The following MEI4 variants were observed in gnomAD, a reference collection of about 807,000 sequenced individuals.
The protein encoded by MEI4 is meiotic double-stranded break formation protein 4.
In MEI4, 27 loss-of-function variants were observed where a neutral mutation model predicts 31.4. The observed-to-expected ratio is 0.86, with a 90% CI of 0.63 to 1.19. The LOEUF (loss-of-function observed/expected upper bound fraction) is 1.19, where lower values mean the gene tolerates loss of function less well. Ranked by LOEUF, MEI4 falls within the 50% of genes most tolerant of loss-of-function variation. MEI4 has a pLI of 0.00. For missense variants in MEI4, 329 were observed against 398.9 expected, an observed-to-expected ratio of 0.82 and a Z score of 1.49; for synonymous variants, 122 against 145.4, an observed-to-expected ratio of 0.84 and a Z score of 1.16.
chr6:77,894,088 G>A (rs975014355), intron 4 of MEI4, among the ~76,000 whole-genome samples: 1 of 152,100 alleles, frequency 6.6e-6, no homozygotes, highest in African/African-American at 2.4e-5. Flanking sequence ...ATAGTTAAAT[G>A]TGAAGTATTT....
At chr6:77,809,592 G>T (rs979760896) in intron 3 of MEI4, among the ~76,000 whole-genome samples, 3 of 152,158 alleles carry the variant, frequency 2.0e-5, no homozygotes, top group Non-Finnish European at 4.4e-5. Context: ...TATGCGTTTT[G>T]TAATGATAAT....
chr6:77,726,350 TCTTG>T (rs1766820664), intron 2 of MEI4, among the ~76,000 whole-genome samples: 1 of 151,690 alleles, frequency 6.6e-6, no homozygotes, highest in Non-Finnish European at 1.5e-5. Context: ...ATCTGATCTC[TCTTG>T]CTTTTCCCCA....
intron 2 of MEI4, among the ~76,000 whole-genome samples, chr6:77,699,484 GC>G (rs1766156119): frequency 6.6e-6 from 1 of 152,082 alleles, no homozygotes; most frequent in Non-Finnish European, 1.5e-5. Flanking sequence ...GAGCCACCGC[GC>G]CCGGCCCAAA....
chr6:77,917,387 A>G (rs1581979690), intron 4 of MEI4, among the ~76,000 whole-genome samples: 1 of 151,022 alleles, frequency 6.6e-6, no homozygotes, highest in African/African-American at 2.4e-5. Context: ...AGTCCCACCA[A>G]CAGTGTAAAA....
intron 4 of MEI4, among the ~76,000 whole-genome samples, chr6:77,902,334 C>T (rs1766202631): frequency 6.6e-6 from 1 of 151,996 alleles, no homozygotes; most frequent in African/African-American, 2.4e-5. Context: ...TCTTCCAGTC[C>T]ATGAACCACA....
intron 4 of MEI4, among the ~76,000 whole-genome samples, chr6:77,834,605 C>T (rs1770167841): frequency 6.6e-6 from 1 of 151,932 alleles, no homozygotes; most frequent in African/African-American, 2.4e-5. Context: ...TTTGCCAGTC[C>T]AGCTGAGGGT....
intron 2 of MEI4, among the ~76,000 whole-genome samples, chr6:77,726,347 C>T (rs574033398): frequency 6.6e-6 from 1 of 152,166 alleles, no homozygotes; most frequent in South Asian, 2.1e-4. Flanking sequence ...ACAATCTGAT[C>T]TCTCTTGCTT....
In MEI4 at chr6:77,761,338, G is replaced by C; in HGVS notation, c.441G>C (p.Leu147Phe). 6.5e-6 allele frequency: 8 copies of C among 1,232,494 alleles called. No individual in the cohort carries two copies. Among genetic ancestry groups the C allele is most frequent in the Non-Finnish European group, 8.1e-6 (8 of 988,022 alleles). 76.3% of individuals were successfully genotyped at this position (1,232,494 alleles called of 1,614,324 possible). A position where few individuals can be genotyped will look rare whatever the true frequency, so the allele number is the denominator to read the frequency against. The change falls in exon 3 of 5, where the codon TTG becomes TTC. Residue 147 changes from leucine (L) to phenylalanine (F), a missense_variant. By Grantham distance (22) the Leu-to-Phe change is conservative. Coordinates refer to ENST00000684080, the MANE Select transcript of MEI4 (RefSeq NM_001322247.2). Reference sequence around the variant, plus strand: ...CTTGTGCTATCCTGCAAAATCCTTTGTCTTCTCACATGCAATTCTTGCAAT... The same window carrying C: ...CTTGTGCTATCCTGCAAAATCCTTTCTCTTCTCACATGCAATTCTTGCAAT... Reference protein sequence around the residue: ...KRPCAILQNPLSSHMQFLQYL... With the variant: ...KRPCAILQNPFSSHMQFLQYL...
At chr6:77,780,816 T>G (rs1480049619) in intron 3 of MEI4, among the ~76,000 whole-genome samples, 1 of 152,150 alleles carries the variant, frequency 6.6e-6, no homozygotes, top group Non-Finnish European at 1.5e-5. Context: ...CTAATGTCTC[T>G]TCTGTTAAAA....
At chr6:77,662,660 G>A (rs1321897593) in intron 1 of MEI4, among the ~76,000 whole-genome samples, 1 of 152,196 alleles carries the variant, frequency 6.6e-6, no homozygotes, top group Non-Finnish European at 1.5e-5. Flanking sequence ...TGAGGACTAG[G>A]CTAAAACAGT....
At chr6:77,691,536 A>T (rs1297322096) in intron 2 of MEI4, among the ~76,000 whole-genome samples, 1 of 152,068 alleles carries the variant, frequency 6.6e-6, no homozygotes, top group Non-Finnish European at 1.5e-5. Flanking sequence ...AGTGGAGAAT[A>T]CATATTGCAT....
chr6:77,757,939 C>T (rs1767952907), intron 2 of MEI4, among the ~76,000 whole-genome samples: 1 of 152,012 alleles, frequency 6.6e-6, no homozygotes, highest in Admixed American at 6.5e-5. Context: ...GGGTGGATCA[C>T]AGGGTCAAGA....
chr6:77,757,887 G>T (rs1767951409), intron 2 of MEI4, among the ~76,000 whole-genome samples: 1 of 152,122 alleles, frequency 6.6e-6, no homozygotes, highest in South Asian at 2.1e-4. Flanking sequence ...GACAGGCGTG[G>T]TGGCTCATGC....
intron 4 of MEI4, among the ~76,000 whole-genome samples, chr6:77,884,777 C>G (rs1562025557): frequency 6.6e-6 from 1 of 152,030 alleles, no homozygotes; most frequent in South Asian, 2.1e-4. Context: ...TATTTTGAAG[C>G]CAGGTAGTGT....
intron 2 of MEI4, among the ~76,000 whole-genome samples, chr6:77,760,249 CAT>C (rs962221698): frequency 5.3e-5 from 8 of 151,672 alleles, no homozygotes; most frequent in South Asian, 2.1e-4. Flanking sequence ...TATATACACA[CAT>C]ATATGATATA....
chr6:77,661,206 G>T (rs1021840106), intron 1 of MEI4, among the ~76,000 whole-genome samples: 1 of 152,126 alleles, frequency 6.6e-6, no homozygotes, highest in African/African-American at 2.4e-5. Flanking sequence ...GCCTTTAAAA[G>T]ACCATTAGTC....
intron 3 of MEI4, among the ~76,000 whole-genome samples, chr6:77,805,083 G>A (rs1195695052): frequency 6.6e-6 from 1 of 152,080 alleles, no homozygotes; most frequent in Non-Finnish European, 1.5e-5. Context: ...TCAAGTAATA[G>A]AAGATATTTT....
chr6:77,866,852 G>T (rs7746935), intron 4 of MEI4, among the ~76,000 whole-genome samples: 2 of 152,146 alleles, frequency 1.3e-5, no homozygotes. Flanking sequence ...CCAAAACAGC[G>T]TGGTGCTGGT....
At chr6:77,885,671 T>G (rs1411432516) in intron 4 of MEI4, among the ~76,000 whole-genome samples, 1 of 152,196 alleles carries the variant, frequency 6.6e-6, no homozygotes, top group Non-Finnish European at 1.5e-5. Flanking sequence ...TTCTTCCTTG[T>G]CTGATTGCTC....
Sources: gnomAD v4.1 joint callset for allele counts (sites outside exome capture counted in the v4.1 genomes callset) on GRCh38, gnomAD v4.1.1 for gene constraint, MANE v1.5 for transcripts, NCBI Gene and HGNC (gene_info 2026-07-23, HGNC 2026-07-21) for gene names.